BEND4: variants seen among roughly 807,000 people sequenced by gnomAD.
BEND4 encodes the protein BEN domain-containing protein 4.
Under a neutral mutation model 54.7 loss-of-function variants are expected in BEND4, and 27 were observed. The observed-to-expected ratio is 0.49, with a 90% CI of 0.36 to 0.68. BEND4 has a LOEUF of 0.68. BEND4 is among the 30% of genes least tolerant of loss of function. The pLI, the probability that BEND4 is intolerant of heterozygous loss-of-function variation, is 0.00. For synonymous variants in BEND4, 327 were observed against 299.5 expected (o/e 1.09, Z -0.95); for missense variants, 702 against 697.2 (o/e 1.01, Z -0.08).
At chr4:42,128,543 G>A (rs1489962277) in intron 3 of BEND4, among the ~76,000 whole-genome samples, 3 of 151,804 alleles carry the variant, frequency 2.0e-5, no homozygotes, top group Non-Finnish European at 4.4e-5. Context: ...AGAATGGCAT[G>A]AACCCGGGAG....
chr4:42,134,970 C>A (rs907894265), intron 3 of BEND4, among the ~76,000 whole-genome samples: 1 of 152,162 alleles, frequency 6.6e-6, no homozygotes, highest in South Asian at 2.1e-4. Flanking sequence ...ATTGAAGAAC[C>A]TTGTGTGTCA....
chr4:42,147,835 G>C (rs1721130816), intron 2 of BEND4, among the ~76,000 whole-genome samples: 4 of 152,096 alleles, frequency 2.6e-5, no homozygotes, highest in Admixed American at 2.6e-4. Context: ...TGAATAAGAA[G>C]AGGGATGGGA....
chr4:42,130,276 C>A (rs532555260), intron 3 of BEND4, among the ~76,000 whole-genome samples: 191 of 152,040 alleles, frequency 1.3e-3, no homozygotes, highest in African/African-American at 4.3e-3. Context: ...GTCAGGAGAT[C>A]GAGACCATCC....
intron 2 of BEND4, among the ~76,000 whole-genome samples, chr4:42,150,574 G>A (rs1442939420): frequency 6.6e-6 from 1 of 152,188 alleles, no homozygotes; most frequent in African/African-American, 2.4e-5. Flanking sequence ...TGCAGGATTT[G>A]GGGGGCTTCA....
Position 42,121,632 on chromosome 4 carries a change from G to T in BEND4, c.1147-1338C>A, listed in dbSNP as rs140586280. ...GAGCCAAGCCTTGGCTGGGTACAGT[G>T]GTGGACCCTGTGTATAAGAGACAAT... On this transcript the variant is annotated intron_variant, in intron 4 of 5. Transcript: ENST00000502486. Among the ~76,000 whole-genome samples, 876 of 152,270 alleles carry T rather than the reference G, an allele frequency of 5.8e-3. 4 individuals are homozygous for T. The highest frequency in any genetic ancestry group is 8.8e-3 in the Non-Finnish European group (600 of 68,032).
chr4:42,152,189 G>A lies in BEND4; in HGVS notation c.-46C>T. The A allele has an allele frequency of 8.1e-7, 1 of 1,235,652 alleles. No individual in the cohort carries two copies. The allele number at this position is 1,235,652 out of a possible 1,614,324, so 76.5% of individuals were successfully genotyped here. On this transcript the variant is annotated 5_prime_UTR_variant, in exon 2 of 6. Transcript: ENST00000502486. ...CCTCGGAGCACGTCCCCTCCCCGCC[G>A]GGCGCCGGGCTCCGAGGGTGCCTCC...
chr4:42,148,516 A>G (rs1010772745), intron 2 of BEND4, among the ~76,000 whole-genome samples: 5 of 152,262 alleles, frequency 3.3e-5, no homozygotes, highest in Non-Finnish European at 5.9e-5. Context: ...AGCACATACT[A>G]TAACAGGCAG....
intron 3 of BEND4, among the ~76,000 whole-genome samples, chr4:42,131,319 T>C (rs1375768919): frequency 6.6e-6 from 1 of 152,202 alleles, no homozygotes; most frequent in African/African-American, 2.4e-5. Flanking sequence ...TTAAATATAA[T>C]TATATGCATA....
chr4:42,120,285 G>C lies in BEND4; in HGVS notation c.1156C>G (p.Gln386Glu). The C allele has an allele frequency of 1.3e-6, 2 of 1,593,232 alleles. No homozygotes were observed. The highest frequency in any genetic ancestry group is 1.7e-6 in the Non-Finnish European group (2 of 1,162,572). ...TAGACAGGATAGTTGTTCAACAGCT[G>C]CTTGCTTCCCTGGAAAAGCGAAATA... ...PADQPTEGSK[Q>E]LLNNYPVYIT... is the part of the protein sequence containing the mutation. The change falls in exon 5 of 6, where the codon CAG becomes GAG. Residue 386 changes from glutamine (Q) to glutamate (E), a missense_variant. Gln to Glu is a conservative substitution (Grantham distance 29). Transcript: ENST00000502486.
In BEND4 at chr4:42,112,476, A is replaced by G. The variant is rs1028255347; in HGVS notation, c.*5042T>C. 6.6e-6 allele frequency: 1 copy of G among 152,240 alleles called. No homozygotes were observed. Among genetic ancestry groups the G allele is most frequent in the Non-Finnish European group, 1.5e-5 (1 of 68,032 alleles). 9.4% of individuals were successfully genotyped at this position (152,240 alleles called of 1,614,324 possible). On this transcript the variant is annotated 3_prime_UTR_variant, in exon 6 of 6. Transcript: ENST00000502486. ...TATTCCAAGAATAAAGAGGTTTTCA[A>G]ATGAGTCTTACTAGCAAGACATGCT...
chr4:42,136,674 TG>T (rs1234962465), intron 3 of BEND4, among the ~76,000 whole-genome samples: 1 of 152,234 alleles, frequency 6.6e-6, no homozygotes, highest in Admixed American at 6.5e-5. Flanking sequence ...CTACAGTTTT[TG>T]TATTTTTGTG....
At chr4:42,140,285 T>C (rs954789436) in intron 3 of BEND4, among the ~76,000 whole-genome samples, 1 of 152,256 alleles carries the variant, frequency 6.6e-6, no homozygotes, top group African/African-American at 2.4e-5. Flanking sequence ...AAGGTGTCCC[T>C]AGGTCATGAA....
At chr4:42,152,480 C>T (rs1721343688) in intron 1 of BEND4, 52 bp downstream of exon 1, 1 of 159,800 alleles carries the variant, frequency 6.3e-6, no homozygotes, top group African/African-American at 2.4e-5. Context: ...CGGGGTCTGC[C>T]TGGCGGCTCC....
rs141580154 is a variant in BEND4 at position 42,148,627 on chromosome 4, T to C, written c.487+3030A>G. ...AGATGTGTAGATTTATGAATATTTA[T>C]ATGGTGGTTTATAGCTGACACTTTT... is the stretch of plus-strand genomic sequence containing the variant. On this transcript the variant is annotated intron_variant, in intron 2 of 5. Transcript: ENST00000502486. 2.9e-3 allele frequency among the ~76,000 whole-genome samples: 449 copies of C among 152,234 alleles called. 4 individuals are homozygous for C. The highest frequency in any genetic ancestry group is 0.014 in the Middle Eastern group (4 of 294).
chr4:42,151,519 G>A (rs1721281801), intron 2 of BEND4, 138 bp downstream of exon 2: 1 of 872,466 alleles, frequency 1.1e-6, no homozygotes, highest in African/African-American at 1.8e-5. Flanking sequence ...GGGTGCGCGG[G>A]GAGGCCCCAG....
chr4:42,137,594 C>T (rs968938357), intron 3 of BEND4, among the ~76,000 whole-genome samples: 1 of 152,032 alleles, frequency 6.6e-6, no homozygotes, highest in East Asian at 1.9e-4. Flanking sequence ...AGAACAACCA[C>T]AAAATTTTCA....
chr4:42,120,931 C>T (rs764667845), intron 4 of BEND4, among the ~76,000 whole-genome samples: 5 of 152,116 alleles, frequency 3.3e-5, no homozygotes, highest in Admixed American at 2.0e-4. Context: ...TACTTTTCAC[C>T]TTCATAATTT....
intron 2 of BEND4, among the ~76,000 whole-genome samples, chr4:42,150,213 GA>G (rs1721215931): frequency 6.6e-6 from 1 of 151,738 alleles, no homozygotes; most frequent in South Asian, 2.1e-4. Context: ...GGGGGAAAAA[GA>G]AAAAAAGTAA....
At position 42,143,989 on chromosome 4, in the gene BEND4, G is replaced by C; in HGVS notation, c.493C>G (p.Arg165Gly). 6.4e-7 allele frequency: 1 copy of C among 1,573,170 alleles called. No individual in the cohort carries two copies. The highest frequency in any genetic ancestry group is 8.6e-7 in the Non-Finnish European group (1 of 1,162,976). Residue 165 changes from arginine to glycine, a missense_variant, in exon 3 of 6, where the codon CGA (arginine) becomes GGA (glycine). Transcript: ENST00000502486. ...SASLELSAES[R>G]MILDAFAQQC... ...TGGGCAAAGGCATCCAAGATCATTC[G>C]ACTCTCTGAAACAAATGAAAGGACA...
Sources: gnomAD v4.1 joint callset for allele counts (sites outside exome capture counted in the v4.1 genomes callset) on GRCh38, gnomAD v4.1.1 for gene constraint, MANE v1.5 for transcripts, NCBI Gene and HGNC (gene_info 2026-07-23, HGNC 2026-07-21) for gene names.